FMN2: variants seen among roughly 807,000 people sequenced by gnomAD.
FMN2 encodes the protein formin-2.
FMN2 carries 51 observed loss-of-function variants against 142.3 expected under a neutral mutation model. The observed-to-expected ratio is 0.36, with a 90% CI of 0.29 to 0.45. The LOEUF (loss-of-function observed/expected upper bound fraction) is 0.45. Among genes scored for constraint, FMN2 ranks in the 20% least tolerant of loss-of-function variants. The pLI is 1.00. For synonymous variants in FMN2, 882 were observed against 869.8 expected, an observed-to-expected ratio of 1.01 and a Z score of -0.25; for missense variants, 1,936 against 2,122.8, an observed-to-expected ratio of 0.91 and a Z score of 1.73.
intron 2 of FMN2, among the ~76,000 whole-genome samples, chr1:240,131,395 T>A (rs1319556088): frequency 6.6e-6 from 1 of 152,034 alleles, no homozygotes; most frequent in Non-Finnish European, 1.5e-5. Flanking sequence ...AGGAGTTTGC[T>A]GTGGGGAACA....
At chr1:240,246,772 G>T (rs1432272303) in intron 6 of FMN2, among the ~76,000 whole-genome samples, 2 of 152,194 alleles carry the variant, frequency 1.3e-5, no homozygotes, top group African/African-American at 2.4e-5. Flanking sequence ...AGCCTGAGAT[G>T]ATAACTTTAT....
chr1:240,151,525 G>A (rs1663771972), intron 2 of FMN2, among the ~76,000 whole-genome samples: 1 of 152,092 alleles, frequency 6.6e-6, no homozygotes, highest in Non-Finnish European at 1.5e-5. Context: ...TTGAGAAAAT[G>A]TAAGCTCCGG....
chr1:240,457,155 C>T (rs1262904793), intron 16 of FMN2, among the ~76,000 whole-genome samples: 1 of 152,166 alleles, frequency 6.6e-6, no homozygotes, highest in Admixed American at 6.5e-5. Context: ...ACCCTTCACA[C>T]CTCTTGCTCT....
intron 2 of FMN2, among the ~76,000 whole-genome samples, chr1:240,157,733 T>C (rs1664081342): frequency 6.6e-6 from 1 of 152,116 alleles, no homozygotes; most frequent in Admixed American, 6.5e-5. Flanking sequence ...ATCCCCATTT[T>C]ACAGAGGGAA....
chr1:240,413,636 G>A (rs1674487314), intron 15 of FMN2, among the ~76,000 whole-genome samples: 1 of 152,176 alleles, frequency 6.6e-6, no homozygotes, highest in Non-Finnish European at 1.5e-5. Context: ...TGTCAGGCTG[G>A]ACCAGAGAAC....
intron 14 of FMN2, among the ~76,000 whole-genome samples, chr1:240,376,606 G>C (rs1673053974): frequency 6.6e-6 from 1 of 151,846 alleles, no homozygotes; most frequent in Non-Finnish European, 1.5e-5. Context: ...TGTTTACATA[G>C]TATTTATATT....
chr1:240,211,295 A>G lies in FMN2; in HGVS notation c.4065+60A>G, dbSNP rs1396524152. On this transcript the variant is annotated intron_variant, in intron 6 of 17. Transcript: ENST00000319653. ...GTTTCTGGCATAAGTGTGAACTGTC[A>G]TTAGAGAAAACTTTGAAATAGTTTT... 2.9e-5 allele frequency: 44 copies of G among 1,530,272 alleles called. No homozygotes were observed. In the East Asian group the frequency reaches 9.5e-4, roughly 33 times the overall value. The allele number at this position is 1,530,272 out of a possible 1,614,324, so 94.8% of individuals were successfully genotyped here.
At chr1:240,188,114 A>G in intron 3 of FMN2, 93 bp from the exon 4 acceptor site, 2 of 1,237,166 alleles carry the variant, frequency 1.6e-6, no homozygotes, top group Non-Finnish European at 1.2e-6. Context: ...CTTATGGTTA[A>G]TGATATATTT....
intron 13 of FMN2, among the ~76,000 whole-genome samples, chr1:240,354,823 G>A (rs1021713573): frequency 6.6e-6 from 1 of 152,154 alleles, no homozygotes; most frequent in African/African-American, 2.4e-5. Flanking sequence ...CTTAAGAACT[G>A]TAGTGAGAGG....
chr1:240,093,968 A>C (rs1661110171), intron 1 of FMN2, among the ~76,000 whole-genome samples: 1 of 152,226 alleles, frequency 6.6e-6, no homozygotes, highest in African/African-American at 2.4e-5. Context: ...GTCTGTCCTA[A>C]GTTGCTCTGC....
At chr1:240,294,154 C>A (rs1572163394) in intron 7 of FMN2, among the ~76,000 whole-genome samples, 1 of 152,208 alleles carries the variant, frequency 6.6e-6, no homozygotes, top group East Asian at 1.9e-4. Context: ...TAAAGCACAC[C>A]TACTCCAAAA....
chr1:240,226,648 T>C (rs900076164), intron 6 of FMN2, among the ~76,000 whole-genome samples: 10 of 152,194 alleles, frequency 6.6e-5, no homozygotes, highest in Non-Finnish European at 1.5e-4. Context: ...CATAGTTCTC[T>C]TAAGTGATAG....
At chr1:240,379,351 G>A (rs557792394) in intron 14 of FMN2, among the ~76,000 whole-genome samples, 9 of 152,166 alleles carry the variant, frequency 5.9e-5, no homozygotes, top group African/African-American at 2.2e-4. Context: ...GTGGTTCTTT[G>A]CTTGTACTTG....
intron 3 of FMN2, among the ~76,000 whole-genome samples, chr1:240,184,120 G>T (rs1665272993): frequency 6.6e-6 from 1 of 151,818 alleles, no homozygotes; most frequent in Admixed American, 6.6e-5. Flanking sequence ...TGAGTGAAAG[G>T]CTTATTTTGT....
At chr1:240,372,215 AAC>A (rs1672892305) in intron 14 of FMN2, among the ~76,000 whole-genome samples, 1 of 152,182 alleles carries the variant, frequency 6.6e-6, no homozygotes, top group Non-Finnish European at 1.5e-5. Flanking sequence ...TAGCCTGGGC[AAC>A]AGAGAGAGAC....
chr1:240,379,939 C>A (rs886481183), intron 14 of FMN2, among the ~76,000 whole-genome samples: 1 of 151,968 alleles, frequency 6.6e-6, no homozygotes, highest in Admixed American at 6.6e-5. Flanking sequence ...ATTTCACTAT[C>A]CAAAATATAT....
Position 240,399,856 on chromosome 1 carries a change from T to TA in FMN2, c.4910+7295dup, listed in dbSNP as rs145058747. ...GGGGCCCCCCACCTCAGCTCCTTCT[T>TA]ACACAGCAGGAGTGTTGCTTTGGAA... On this transcript the variant is annotated intron_variant, in intron 15 of 17. Transcript: ENST00000319653. Among the ~76,000 whole-genome samples, 1,089 of 152,272 alleles carry TA rather than the reference T, an allele frequency of 7.2e-3. 9 individuals are homozygous for TA. The highest frequency in any genetic ancestry group is 0.025 in the African/African-American group (1,037 of 41,564).
At chr1:240,390,159 C>G (rs1279336761) in intron 14 of FMN2, among the ~76,000 whole-genome samples, 1 of 152,134 alleles carries the variant, frequency 6.6e-6, no homozygotes, top group Non-Finnish European at 1.5e-5. Flanking sequence ...CTCTAATGTT[C>G]TTGCTTTGAT....
chr1:240,188,179 C>T (rs1178291621), intron 3 of FMN2, 28 bp from the exon 4 acceptor site: 1 of 1,610,460 alleles, frequency 6.2e-7, no homozygotes, highest in Non-Finnish European at 8.5e-7. Flanking sequence ...CTTTAAGATA[C>T]TGACTGTCTG....
Sources: allele counts gnomAD v4.1 joint callset (sites outside exome capture counted in the v4.1 genomes callset), GRCh38; gene constraint gnomAD v4.1.1; transcripts MANE v1.5; gene names NCBI Gene and HGNC (gene_info 2026-07-23, HGNC 2026-07-21).